PTPRN2: variants seen among roughly 807,000 people sequenced by gnomAD.
PTPRN2 encodes protein tyrosine phosphatase receptor type N2.
PTPRN2 carries 74 observed loss-of-function variants against 118.8 expected under a neutral mutation model. That is an observed-to-expected ratio of 0.62 (90% CI 0.52 to 0.76). The LOEUF is 0.76. PTPRN2 is among the 30% of genes least tolerant of loss of function. The pLI is 0.00. For synonymous variants in PTPRN2, 641 were observed against 608.0 expected (o/e 1.05, Z -0.80); for missense variants, 1,481 against 1,394.4 (o/e 1.06, Z -0.99).
intron 13 of PTPRN2, among the ~76,000 whole-genome samples, chr7:157,677,295 C>T (rs759532493): frequency 7.9e-5 from 12 of 152,094 alleles, no homozygotes; most frequent in Non-Finnish European, 1.5e-4. Context: ...TTCCAAATAT[C>T]TCACTGCGTG....
intron 11 of PTPRN2, among the ~76,000 whole-genome samples, chr7:157,939,047 A>G (rs1466103091): frequency 6.6e-6 from 1 of 152,194 alleles, no homozygotes; most frequent in Non-Finnish European, 1.5e-5. Context: ...AGTCAGATAA[A>G]GTAAAGTAAA....
intron 12 of PTPRN2, among the ~76,000 whole-genome samples, chr7:157,756,355 C>T (rs536800956): frequency 3.9e-3 from 586 of 151,334 alleles, no homozygotes; most frequent in Non-Finnish European, 6.5e-3. Flanking sequence ...AGTGCAGTGG[C>T]GCGATCTCGG....
At chr7:158,033,988 C>T (rs1472764959) in intron 11 of PTPRN2, among the ~76,000 whole-genome samples, 1 of 149,752 alleles carries the variant, frequency 6.7e-6, no homozygotes, top group Non-Finnish European at 1.5e-5. Flanking sequence ...TCAATAGAAA[C>T]TCTGCACTCT....
rs140440187 is a variant in PTPRN2, at chr7:157,951,078, G to A, written c.1724-52341C>T. ...CCTGCTGCCCACACCCTACTCTTGA[G>A]AGCACGTACTCCTGGCAGGACCCCA... On this transcript the variant is annotated intron_variant, in intron 11 of 22. Transcript: ENST00000389418. 8.3e-3 allele frequency among the ~76,000 whole-genome samples: 1,265 copies of A among 152,166 alleles called. 22 individuals carry two copies. Among genetic ancestry groups the A allele is most frequent in the African/African-American group, 0.029 (1,186 of 41,494 alleles).
rs767318502 is a variant in PTPRN2 at position 158,170,980 on chromosome 7, CAT to C, written c.550-3691_550-3690del. On this transcript the variant is annotated intron_variant, in intron 5 of 22. Transcript: ENST00000389418. Reference sequence around the variant, plus strand: ...ACCTTATCCTTCATATATATACATACATATATATATACACATACATATATATA... The same window carrying C: ...ACCTTATCCTTCATATATATACATACATATATATACACATACATATATATA... 4.8e-5 allele frequency among the ~76,000 whole-genome samples: 7 copies of C among 146,830 alleles called. No homozygotes were observed. In the East Asian group the frequency reaches 5.9e-4, roughly 12 times the overall value.
chr7:157,625,693 A>G (rs374556559), intron 14 of PTPRN2, among the ~76,000 whole-genome samples: 2 of 152,326 alleles, frequency 1.3e-5, no homozygotes, highest in Admixed American at 6.5e-5. Flanking sequence ...TTATTCATGT[A>G]ACTAAATACC....
chr7:158,056,024 C>T (rs117550270), intron 11 of PTPRN2, among the ~76,000 whole-genome samples: 9,307 of 152,266 alleles, frequency 0.061, 348 homozygotes, highest in Non-Finnish European at 0.088. Flanking sequence ...GAGTCCGGGC[C>T]GAGGCCCCTT....
chr7:158,477,569 A>G (rs1820357073), intron 2 of PTPRN2, among the ~76,000 whole-genome samples: 1 of 152,252 alleles, frequency 6.6e-6, no homozygotes, highest in Non-Finnish European at 1.5e-5. Context: ...TTCCCTTTTC[A>G]TAAAATCAGA....
chr7:158,341,552 A>G (rs1220917140), intron 2 of PTPRN2, among the ~76,000 whole-genome samples: 1 of 126,664 alleles, frequency 7.9e-6, no homozygotes, highest in African/African-American at 3.0e-5. Context: ...ACATCTGCAG[A>G]CGTCACTCAC....
chr7:158,494,580 G>C (rs1331098928), intron 1 of PTPRN2, among the ~76,000 whole-genome samples: 1 of 152,242 alleles, frequency 6.6e-6, no homozygotes. Context: ...CCTGTGAGCT[G>C]CTGGCCACTC....
chr7:157,822,042 A>G (rs1806874343), intron 12 of PTPRN2, among the ~76,000 whole-genome samples: 1 of 150,328 alleles, frequency 6.7e-6, no homozygotes. Flanking sequence ...ACACCATCCA[A>G]TAACCATCCA....
At chr7:157,655,120 C>T (rs761559667) in intron 14 of PTPRN2, among the ~76,000 whole-genome samples, 15 of 152,318 alleles carry the variant, frequency 9.8e-5, no homozygotes, top group African/African-American at 2.4e-4. Flanking sequence ...TGATTTCTGG[C>T]GGGTGGTCCG....
At chr7:158,292,526 G>T (rs1406594790) in intron 3 of PTPRN2, among the ~76,000 whole-genome samples, 3 of 152,238 alleles carry the variant, frequency 2.0e-5, no homozygotes, top group African/African-American at 7.2e-5. Context: ...TTGCTTAATG[G>T]TAGGGGTACA....
intron 2 of PTPRN2, among the ~76,000 whole-genome samples, chr7:158,318,294 G>A (rs1271485338): frequency 1.3e-5 from 2 of 152,228 alleles, no homozygotes; most frequent in Non-Finnish European, 1.5e-5. Context: ...GGCAAAGAGG[G>A]AAAATAAGGA....
chr7:158,525,810 C>T lies in PTPRN2; in HGVS notation c.113-36025G>A, dbSNP rs1333862162. Among the ~76,000 whole-genome samples the T allele has an allele frequency of 1.3e-4, 20 of 151,940 alleles. No homozygotes were observed. Among genetic ancestry groups the T allele is most frequent in the Non-Finnish European group, 2.5e-4 (17 of 68,040 alleles). ...CACAGCCACCTCTCTCTGCTGTGCT[C>T]ACACAGTGTGGAAGCTCCCGCTTCA... is the stretch of plus-strand genomic sequence containing the variant. On this transcript the variant is annotated intron_variant, in intron 1 of 22. Transcript: ENST00000389418. This position sits in a 1 kb window ranked among gnomAD's most constrained non-coding sequence, Gnocchi z 4.1.
intron 11 of PTPRN2, among the ~76,000 whole-genome samples, chr7:158,054,091 AC>A (rs1809593547): frequency 2.0e-5 from 3 of 151,810 alleles, no homozygotes; most frequent in Non-Finnish European, 4.4e-5. Flanking sequence ...TGATGCAGAG[AC>A]TCCAGAGACG....
chr7:158,478,502 C>T (rs981237778), intron 2 of PTPRN2, among the ~76,000 whole-genome samples: 13 of 152,082 alleles, frequency 8.5e-5, no homozygotes, highest in Admixed American at 7.9e-4. Context: ...GGGTGGGATG[C>T]GGAGCCGTGA....
At chr7:157,576,514 G>A (rs1222625422) in intron 19 of PTPRN2, 99 bp downstream of exon 19, 3 of 1,251,028 alleles carry the variant, frequency 2.4e-6, no homozygotes, top group Non-Finnish European at 3.2e-6. Flanking sequence ...ACACAGACGC[G>A]GCCCTCGGCG....
chr7:157,786,083 G>A (rs1313500939), intron 12 of PTPRN2, among the ~76,000 whole-genome samples: 1 of 152,192 alleles, frequency 6.6e-6, no homozygotes, highest in African/African-American at 2.4e-5. Context: ...CACTCCGAGT[G>A]CGCGCCAAGG....
Sources: allele counts gnomAD v4.1 joint callset (sites outside exome capture counted in the v4.1 genomes callset), GRCh38; gene constraint gnomAD v4.1.1; non-coding constraint Gnocchi (gnomAD v3.1); transcripts MANE v1.5; gene names NCBI Gene and HGNC (gene_info 2026-07-23, HGNC 2026-07-21).